Variants in SLC20A2 observed in about 807,000 individuals in gnomAD.
The protein encoded by SLC20A2 is sodium-dependent phosphate transporter 2.
Under a neutral mutation model 61.0 loss-of-function variants are expected in SLC20A2, and 30 were observed. The observed-to-expected ratio is 0.49, with a 90% CI of 0.37 to 0.67. The LOEUF is 0.67. Ranked by LOEUF, SLC20A2 falls within the 30% of genes least tolerant of loss-of-function variation. The pLI, the probability that SLC20A2 is intolerant of heterozygous loss-of-function variation, is 0.00. For missense variants in SLC20A2, 626 were observed against 866.4 expected (o/e 0.72, Z 3.48); for synonymous variants, 351 against 353.3 (o/e 0.99, Z 0.07).
chr8:42,478,501 G>A (rs1411775053), intron 1 of SLC20A2, among the ~76,000 whole-genome samples: 3 of 152,066 alleles, frequency 2.0e-5, no homozygotes, highest in Admixed American at 6.5e-5. Context: ...ATGAGCCACC[G>A]TGCCCAGCCA....
At chr8:42,423,799 GAATGTAA>G (rs1244591204) in intron 10 of SLC20A2, among the ~76,000 whole-genome samples, 4 of 152,152 alleles carry the variant, frequency 2.6e-5, no homozygotes, top group Admixed American at 6.6e-5. Context: ...TGTCTTCCGT[GAATGTAA>G]AATGTTATTT....
At chr8:42,457,673 G>C (rs1806324364) in intron 5 of SLC20A2, among the ~76,000 whole-genome samples, 1 of 152,090 alleles carries the variant, frequency 6.6e-6, no homozygotes, top group South Asian at 2.1e-4. Context: ...TTTTAGTAGA[G>C]ACGGGGTTTC....
intron 5 of SLC20A2, among the ~76,000 whole-genome samples, chr8:42,445,683 C>T (rs915567635): frequency 3.9e-5 from 6 of 152,064 alleles, no homozygotes; most frequent in African/African-American, 9.7e-5. Context: ...GCTGAGATCG[C>T]GCCATTGCAC....
chr8:42,417,534 TTAA>T lies in SLC20A2; in HGVS notation c.*266_*268del. ...CCTATTCTATGGATACAATAGATAT[TTAA>T]TATATAAGTAACTGCACCACATTAT... On this transcript the variant is annotated 3_prime_UTR_variant, in exon 11 of 11. Transcript: ENST00000520262. The T allele has an allele frequency of 3.9e-6, 1 of 254,276 alleles. No homozygotes were observed. The highest frequency in any genetic ancestry group is 7.7e-6 in the Non-Finnish European group (1 of 130,404). 15.8% of individuals were successfully genotyped at this position (254,276 alleles called of 1,614,324 possible).
chr8:42,506,972 G>T (rs1810747941), intron 1 of SLC20A2, among the ~76,000 whole-genome samples: 1 of 152,162 alleles, frequency 6.6e-6, no homozygotes, highest in South Asian at 2.1e-4. Flanking sequence ...AAATGAGAAG[G>T]CCACATGGAG....
At chr8:42,496,718 A>G (rs1809954012) in intron 1 of SLC20A2, among the ~76,000 whole-genome samples, 1 of 152,184 alleles carries the variant, frequency 6.6e-6, no homozygotes. Flanking sequence ...CACAGATAAT[A>G]CATTCCACTG....
Position 42,472,078 on chromosome 8 carries a change from C to G in SLC20A2, c.289+24G>C, listed in dbSNP as rs566250350. 6 of 1,604,956 alleles carry G rather than the reference C, an allele frequency of 3.7e-6. No homozygotes were observed. In the South Asian group the frequency reaches 6.6e-5, roughly 18 times the overall value. ...GCGGGTCAGTGGGCGGATGTCCCAT[C>G]GGTATAGAGAAGAGGCTACTCACCA... On this transcript the variant is annotated intron_variant, in intron 2 of 10. Transcript: ENST00000520262. The surrounding 1 kb of genome is among the most constrained non-coding windows in gnomAD (Gnocchi z 4.1).
chr8:42,507,362 T>C (rs1448631075), intron 1 of SLC20A2, among the ~76,000 whole-genome samples: 1 of 149,598 alleles, frequency 6.7e-6, no homozygotes, highest in East Asian at 1.9e-4. Flanking sequence ...CAGAAGAAAC[T>C]GGTATCCTCT....
intron 8 of SLC20A2, among the ~76,000 whole-genome samples, 166 bp from the exon 9 acceptor site, chr8:42,430,415 T>A (rs1803766854): frequency 6.6e-6 from 1 of 152,184 alleles, no homozygotes; most frequent in Non-Finnish European, 1.5e-5. Flanking sequence ...CAGGCTTGAG[T>A]GCAGTGGTGT....
chr8:42,467,543 G>A (rs1586125866), intron 2 of SLC20A2, among the ~76,000 whole-genome samples: 1 of 152,172 alleles, frequency 6.6e-6, no homozygotes, highest in Non-Finnish European at 1.5e-5. Flanking sequence ...GCACTTTTCA[G>A]GGGACCCCTG....
At chr8:42,463,715 A>T (rs1276538334) in intron 3 of SLC20A2, among the ~76,000 whole-genome samples, 1 of 152,142 alleles carries the variant, frequency 6.6e-6, no homozygotes, top group Non-Finnish European at 1.5e-5. Context: ...TCCCCGGGTC[A>T]TTCTAAAGTA....
At chr8:42,484,892 T>C (rs1214193975) in intron 1 of SLC20A2, 2 of 408,450 alleles carry the variant, frequency 4.9e-6, no homozygotes, top group Admixed American at 2.6e-5. Context: ...ATCTCGGCCA[T>C]GCAGCTGGCC....
At chr8:42,505,515 T>G (rs1239136311), upstream of SLC20A2, among the ~76,000 whole-genome samples, 5 of 152,196 alleles carry the variant, frequency 3.3e-5, no homozygotes, top group Non-Finnish European at 5.9e-5. Context: ...CATTTTAGTT[T>G]GGAACCTTAG....
intron 1 of SLC20A2, among the ~76,000 whole-genome samples, chr8:42,511,691 T>C (rs932584342): frequency 6.6e-6 from 1 of 151,384 alleles, no homozygotes; most frequent in Non-Finnish European, 1.5e-5. Flanking sequence ...AATTAAGAGA[T>C]AAAATATTTA....
chr8:42,537,295 G>T (rs1036599225), intron 1 of SLC20A2, among the ~76,000 whole-genome samples: 2 of 148,712 alleles, frequency 1.3e-5, no homozygotes, highest in African/African-American at 2.5e-5. Context: ...GAGGTGGGAG[G>T]ATTGCTTGAG....
At chr8:42,513,449 T>C (rs1811138916) in intron 1 of SLC20A2, among the ~76,000 whole-genome samples, 2 of 152,234 alleles carry the variant, frequency 1.3e-5, no homozygotes, top group Admixed American at 1.3e-4. Flanking sequence ...TGGTCTTAAC[T>C]TTCCTCGTCC....
chr8:42,453,607 C>G (rs375023474), intron 5 of SLC20A2, among the ~76,000 whole-genome samples: 1 of 152,184 alleles, frequency 6.6e-6, no homozygotes. Context: ...CATTGAAGGA[C>G]AAAATACCTT....
chr8:42,453,113 G>T (rs1052886836), intron 5 of SLC20A2, among the ~76,000 whole-genome samples: 6 of 152,122 alleles, frequency 3.9e-5, no homozygotes, highest in Non-Finnish European at 1.5e-5. Flanking sequence ...TGCCTTAGAA[G>T]GTGCCTACCA....
chr8:42,439,612 C>T lies in SLC20A2; in HGVS notation c.772G>A (p.Glu258Lys), dbSNP rs372351259. ...GCTTCCTGAACCTTACTGAGGCTTT[C>T]GTCAGATACTCGTGATAAAGCACCT... ...KEGALSRVSD[E>K]SLSKVQEAES... The change falls in exon 7 of 11, where the codon GAA (glutamate) becomes AAA (lysine). Residue 258 changes from glutamate (E) to lysine (K), a missense_variant. This residue lies in a region of SLC20A2 where 361 missense variants were observed against 422.3 expected (regional missense o/e 0.85). Transcript: ENST00000520262. 1.4e-5 allele frequency: 23 copies of T among 1,614,058 alleles called. No individual in the cohort carries two copies. The highest frequency in any genetic ancestry group is 3.3e-5 in the South Asian group (3 of 91,088).
Sources: gnomAD v4.1 joint callset for allele counts (sites outside exome capture counted in the v4.1 genomes callset) on GRCh38, gnomAD v4.1.1 for gene constraint, gnomAD v4.1.1 regional missense constraint, Gnocchi (gnomAD v3.1) non-coding constraint, MANE v1.5 for transcripts, NCBI Gene and HGNC (gene_info 2026-07-23, HGNC 2026-07-21) for gene names.